The following CACNA1C variants were observed in gnomAD, a reference collection of about 807,000 sequenced individuals.
CACNA1C encodes the protein voltage-dependent L-type calcium channel subunit alpha-1C.
CACNA1C carries 30 observed loss-of-function variants against 229.0 expected under a neutral mutation model. The observed-to-expected ratio is 0.13, with a 90% CI of 0.10 to 0.18. CACNA1C has a LOEUF of 0.18. Ranked by LOEUF, CACNA1C falls within the 10% of genes least tolerant of loss-of-function variation. The pLI, the probability that CACNA1C is intolerant of heterozygous loss-of-function variation, is 1.00. For synonymous variants in CACNA1C, 1,114 were observed against 1,132.5 expected, an observed-to-expected ratio of 0.98 and a Z score of 0.33; for missense variants, 1,658 against 2,845.0, an observed-to-expected ratio of 0.58 and a Z score of 9.49.
At chr12:1,988,240 A>T (rs1400485209) in intron 1 of CACNA1C, among the ~76,000 whole-genome samples, 1 of 152,212 alleles carries the variant, frequency 6.6e-6, no homozygotes, top group Non-Finnish European at 1.5e-5. Flanking sequence ...CCTCTGTGCC[A>T]TGTTATCTTC....
intron 3 of CACNA1C, among the ~76,000 whole-genome samples, chr12:2,198,030 C>A (rs1000887111): frequency 2.0e-5 from 3 of 152,124 alleles, no homozygotes; most frequent in African/African-American, 4.8e-5. Context: ...CCGGAAGGCC[C>A]CCGTATGGAA....
chr12:2,232,418 G>A (rs2065705478), intron 3 of CACNA1C, among the ~76,000 whole-genome samples: 1 of 152,010 alleles, frequency 6.6e-6, no homozygotes, highest in Admixed American at 6.6e-5. Flanking sequence ...TATCACAGAA[G>A]TGATGTTCCC....
intron 3 of CACNA1C, among the ~76,000 whole-genome samples, chr12:2,171,608 T>G (rs2154264303): frequency 6.6e-6 from 1 of 152,308 alleles, no homozygotes; most frequent in African/African-American, 2.4e-5. Flanking sequence ...TCTCTTCCTT[T>G]TCCCCACAAA....
intron 11 of CACNA1C, among the ~76,000 whole-genome samples, chr12:2,560,948 G>A (rs1478995672): frequency 6.6e-6 from 1 of 151,058 alleles, no homozygotes; most frequent in Non-Finnish European, 1.5e-5. Context: ...CCAGATGCCT[G>A]TGCACCATTG....
chr12:2,303,212 A>G (rs1025487664), intron 3 of CACNA1C, among the ~76,000 whole-genome samples: 1 of 152,186 alleles, frequency 6.6e-6, no homozygotes, highest in Admixed American at 6.5e-5. Context: ...ACCTGGATTC[A>G]TTTGCTGAGG....
At chr12:2,557,912 G>T (rs1328578280) in intron 11 of CACNA1C, among the ~76,000 whole-genome samples, 6 of 152,240 alleles carry the variant, frequency 3.9e-5, no homozygotes, top group Non-Finnish European at 7.3e-5. Context: ...TGTGTTGAAT[G>T]AATGAGTGGA....
At chr12:2,136,501 G>C (rs1199884097) in intron 3 of CACNA1C, among the ~76,000 whole-genome samples, 1 of 151,382 alleles carries the variant, frequency 6.6e-6, no homozygotes, top group Admixed American at 6.6e-5. Flanking sequence ...AGGTATAAAT[G>C]GGAGGGGTAT....
At chr12:2,257,407 G>C (rs989059550) in intron 3 of CACNA1C, among the ~76,000 whole-genome samples, 1 of 152,208 alleles carries the variant, frequency 6.6e-6, no homozygotes, top group Non-Finnish European at 1.5e-5. Context: ...AGGACCGAGA[G>C]GGGATGGTTT....
intron 3 of CACNA1C, among the ~76,000 whole-genome samples, chr12:2,283,662 C>T (rs1412776477): frequency 6.6e-6 from 1 of 152,164 alleles, no homozygotes; most frequent in African/African-American, 2.4e-5. Flanking sequence ...AAGACAGTGC[C>T]AGGGAATCCT....
At chr12:2,175,261 A>G (rs1223087862) in intron 3 of CACNA1C, among the ~76,000 whole-genome samples, 2 of 152,194 alleles carry the variant, frequency 1.3e-5, no homozygotes, top group African/African-American at 4.8e-5. Flanking sequence ...CAGGATTCTA[A>G]TAAAGTCTAC....
Position 2,067,028 on chromosome 12 carries a change from G to A in CACNA1C, c.49+13417G>A, listed in dbSNP as rs543346493. Among the ~76,000 whole-genome samples the A allele has an allele frequency of 5.3e-5, 8 of 152,274 alleles. No homozygotes were observed. The highest frequency in any genetic ancestry group is 1.2e-4 in the African/African-American group (5 of 41,564). The stretch of plus-strand genomic sequence containing the variant: ...TGCCCAGGTCCCAGAGGCACCGGCC[G>A]AGGTCTGGAAGCATGAGTTAGGGGC... On this transcript the variant is annotated intron_variant, in intron 1 of 46. Transcript: ENST00000399655. This position sits in a 1 kb window ranked among gnomAD's most constrained non-coding sequence, Gnocchi z 5.3.
Position 2,585,837 on chromosome 12 carries a change from C to T in CACNA1C, c.2463C>T (p.Ile821=). 6.2e-7 allele frequency: 1 copy of T among 1,606,634 alleles called. No individual in the cohort carries two copies. Among genetic ancestry groups the T allele is most frequent in the Non-Finnish European group, 8.5e-7 (1 of 1,175,432 alleles). The change falls in exon 18 of 47, where the codon ATC becomes ATT. Residue 821 remains isoleucine (I), a splice_region_variant and synonymous_variant. Transcript: ENST00000399655. The surrounding 1 kb of genome is among the most constrained non-coding windows in gnomAD (Gnocchi z 4.1). ...ADGESPPATK[I]NMDDLQPNEN... is the part of the protein sequence containing the mutation. Reference sequence around the variant, plus strand: ...CCTTCTCCCCTGTGACTGTCTAGATCAACATGGATGACCTCCAGCCCAATG... The same window carrying T: ...CCTTCTCCCCTGTGACTGTCTAGATTAACATGGATGACCTCCAGCCCAATG...
At position 2,632,547 on chromosome 12, in the gene CACNA1C, CCTTCT is replaced by C. The variant is rs2090988021; in HGVS notation, c.3829-1743_3829-1739del. 6.6e-6 allele frequency among the ~76,000 whole-genome samples: 1 copy of C among 152,148 alleles called. No homozygotes were observed. Among genetic ancestry groups the C allele is most frequent in the South Asian group, 2.1e-4 (1 of 4,832 alleles). ...AAAAAGTCTTTTAAGAACATTCGTC[CCTTCT>C]CTTCTCCAAACATGGTGAAAAATAA... is the stretch of plus-strand genomic sequence containing the variant. On this transcript the variant is annotated intron_variant, in intron 29 of 46. Coordinates refer to ENST00000399655, the MANE Select transcript of CACNA1C (RefSeq NM_000719.7). The surrounding 1 kb of genome is among the most constrained non-coding windows in gnomAD (Gnocchi z 4.1).
chr12:2,457,794 G>C (rs994708517), intron 5 of CACNA1C, 88 bp downstream of exon 5: 11 of 1,184,454 alleles, frequency 9.3e-6, no homozygotes, highest in Admixed American at 2.8e-5. Flanking sequence ...CTCTGCAAAG[G>C]GACCTGATTC....
chr12:2,096,391 T>C (rs1343288799), intron 1 of CACNA1C, among the ~76,000 whole-genome samples: 2 of 152,160 alleles, frequency 1.3e-5, no homozygotes, highest in East Asian at 1.9e-4. Context: ...CTGCCACATA[T>C]CTCTCCTCTG....
At chr12:2,177,579 CCCTCCCTCCCTTCCTTCCTTCCTTCCTT>C (rs2096689069) in intron 3 of CACNA1C, among the ~76,000 whole-genome samples, 3 of 59,934 alleles carry the variant, frequency 5.0e-5, no homozygotes, top group African/African-American at 2.6e-4. Context: ...CTCCCTCCCT[CCCTCCCTCCCTTCCTTCCTTCCTTCCTT>C]CCTTCCTTCC....
chr12:2,200,010 T>A (rs2097537801), intron 3 of CACNA1C, among the ~76,000 whole-genome samples: 1 of 152,232 alleles, frequency 6.6e-6, no homozygotes, highest in Non-Finnish European at 1.5e-5. Context: ...TGATCTCATT[T>A]ATTTACTTAT....
intron 38 of CACNA1C, among the ~76,000 whole-genome samples, chr12:2,670,311 G>A (rs2096489908): frequency 1.3e-5 from 2 of 152,140 alleles, no homozygotes; most frequent in Non-Finnish European, 2.9e-5. Context: ...CGGGCAGGTG[G>A]GAGGCTCGAA....
In CACNA1C at chr12:2,564,092, C is replaced by T. The variant is rs76584852; in HGVS notation, c.1509-2330C>T. Among the ~76,000 whole-genome samples, 217 of 152,296 alleles carry T rather than the reference C, an allele frequency of 1.4e-3. 6 individuals carry two copies. The East Asian group carries it at 0.032, about 22-fold the overall frequency. On this transcript the variant is annotated intron_variant, in intron 11 of 46. Coordinates refer to ENST00000399655, the MANE Select transcript of CACNA1C (RefSeq NM_000719.7). ...GGAGGACCTCATTTCAGCTTCCTTGCGCTGAAGTGGAGGGCCGGTTTTCAC... is the reference window on the plus strand; with the variant it reads ...GGAGGACCTCATTTCAGCTTCCTTGTGCTGAAGTGGAGGGCCGGTTTTCAC...
Sources: allele counts gnomAD v4.1 joint callset (sites outside exome capture counted in the v4.1 genomes callset), GRCh38; gene constraint gnomAD v4.1.1; non-coding constraint Gnocchi (gnomAD v3.1); transcripts MANE v1.5; gene names NCBI Gene and HGNC (gene_info 2026-07-23, HGNC 2026-07-21).